The following LYN variants were observed in gnomAD, a reference collection of about 807,000 sequenced individuals.
The protein encoded by LYN is tyrosine-protein kinase Lyn.
Under a neutral mutation model 65.0 loss-of-function variants are expected in LYN, and 12 were observed. The observed-to-expected ratio is 0.18, with a 90% CI of 0.12 to 0.30. LYN has a LOEUF of 0.30. LYN is among the 10% of genes least tolerant of loss of function. The pLI, the probability that LYN is intolerant of heterozygous loss-of-function variation, is 1.00. For missense variants in LYN, 380 were observed against 623.2 expected, an observed-to-expected ratio of 0.61 and a Z score of 4.16; for synonymous variants, 222 against 221.2, an observed-to-expected ratio of 1.00 and a Z score of -0.03.
chr8:55,887,559 T>TAA (rs58233309), intron 1 of LYN, among the ~76,000 whole-genome samples: 6,027 of 109,268 alleles, frequency 0.055, 519 homozygotes, highest in East Asian at 0.17. Context: ...AAAATATAAA[T>TAA]ATATATATAT....
At chr8:55,998,288 T>A (rs1808431839) in intron 10 of LYN, 58 bp from the exon 11 acceptor site, 1 of 1,412,576 alleles carries the variant, frequency 7.1e-7, no homozygotes. Context: ...TTTTCCTTGA[T>A]GGCACTTTCC....
intron 10 of LYN, among the ~76,000 whole-genome samples, chr8:55,995,674 AG>A (rs1808356111): frequency 6.6e-6 from 1 of 152,058 alleles, no homozygotes; most frequent in Non-Finnish European, 1.5e-5. Context: ...CAAACTGCAT[AG>A]GTCGGGTGAA....
chr8:56,010,426 T>C lies in LYN; in HGVS notation c.*316T>C. The C allele has an allele frequency of 2.7e-6, 1 of 375,272 alleles. No individual in the cohort carries two copies. The highest frequency in any genetic ancestry group is 2.0e-5 in the African/African-American group (1 of 50,066). The allele number at this position is 375,272 out of a possible 1,614,324, so 23.2% of individuals were successfully genotyped here. On this transcript the variant is annotated 3_prime_UTR_variant, in exon 13 of 13. Coordinates refer to ENST00000519728, the MANE Select transcript of LYN (RefSeq NM_002350.4). Reference sequence around the variant, plus strand: ...CTCCAAAAATGCACCCAACTAGCTCTATGTTTACAAATGGACATAGGACTC... The same window carrying C: ...CTCCAAAAATGCACCCAACTAGCTCCATGTTTACAAATGGACATAGGACTC...
At chr8:55,890,106 G>A (rs1804910115) in intron 1 of LYN, among the ~76,000 whole-genome samples, 1 of 99,668 alleles carries the variant, frequency 1.0e-5, no homozygotes, top group South Asian at 3.3e-4. Context: ...GTGAGAACCT[G>A]CCTCTATAGA....
intron 11 of LYN, among the ~76,000 whole-genome samples, chr8:55,999,108 G>A (rs1006023292): frequency 7.2e-5 from 11 of 152,140 alleles, no homozygotes; most frequent in Non-Finnish European, 1.6e-4. Context: ...TATGACTGAG[G>A]ATTCTTATGC....
intron 1 of LYN, among the ~76,000 whole-genome samples, chr8:55,939,273 A>G (rs1806527508): frequency 1.3e-5 from 2 of 152,212 alleles, no homozygotes; most frequent in South Asian, 2.1e-4. Context: ...CAGTGAGGCC[A>G]TGCTAATTCT....
At chr8:55,921,157 T>C (rs1805936972) in intron 1 of LYN, among the ~76,000 whole-genome samples, 2 of 152,240 alleles carry the variant, frequency 1.3e-5, no homozygotes, top group South Asian at 4.1e-4. Context: ...ATAAACCAAA[T>C]ACATTGTAGC....
At chr8:55,896,954 A>G (rs9643487) in intron 1 of LYN, among the ~76,000 whole-genome samples, 136,724 of 152,122 alleles carry the variant, frequency 0.9, 61,527 homozygotes, top group East Asian at 0.98. Context: ...TGGCCAGGTT[A>G]ATCTCAAACT....
At chr8:55,980,943 G>A (rs1371529585) in intron 10 of LYN, among the ~76,000 whole-genome samples, 4 of 151,990 alleles carry the variant, frequency 2.6e-5, no homozygotes, top group South Asian at 2.1e-4. Context: ...CCCCGCGGCC[G>A]CTTGCTAGCC....
intron 8 of LYN, among the ~76,000 whole-genome samples, chr8:55,960,356 G>T (rs1167623736): frequency 1.3e-5 from 2 of 152,066 alleles, no homozygotes; most frequent in Non-Finnish European, 2.9e-5. Context: ...TATATTGAAT[G>T]GAGGAAGGAA....
intron 8 of LYN, among the ~76,000 whole-genome samples, chr8:55,958,645 AC>A (rs1291014665): frequency 6.6e-6 from 1 of 152,200 alleles, no homozygotes; most frequent in Non-Finnish European, 1.5e-5. Context: ...TCTGGCAACC[AC>A]CATGCTACTT....
At chr8:55,942,963 A>C (rs181666233) in intron 2 of LYN, among the ~76,000 whole-genome samples, 23 of 152,292 alleles carry the variant, frequency 1.5e-4, no homozygotes, top group African/African-American at 5.5e-4. Flanking sequence ...TGAAGTTGTC[A>C]TCTGTTATTT....
intron 1 of LYN, among the ~76,000 whole-genome samples, chr8:55,880,532 G>A (rs1034660071): frequency 1.3e-5 from 2 of 152,212 alleles, no homozygotes; most frequent in African/African-American, 2.4e-5. Flanking sequence ...TACTGGAGAG[G>A]ACTCCTCGGA....
chr8:55,998,314 A>G (rs766355605), intron 10 of LYN, 32 bp from the exon 11 acceptor site: 8 of 1,590,622 alleles, frequency 5.0e-6, no homozygotes, highest in Non-Finnish European at 6.9e-6. Flanking sequence ...CCTACCCTAC[A>G]TATGAAAATG....
chr8:55,991,986 G>A (rs1008070952), intron 10 of LYN, among the ~76,000 whole-genome samples: 6 of 152,168 alleles, frequency 3.9e-5, no homozygotes, highest in Admixed American at 6.6e-5. Flanking sequence ...GTCTCTTTAC[G>A]TGATTAGTCT....
At chr8:55,954,155 T>G (rs1807034982) in intron 8 of LYN, among the ~76,000 whole-genome samples, 171 bp downstream of exon 8, 1 of 152,242 alleles carries the variant, frequency 6.6e-6, no homozygotes, top group South Asian at 2.1e-4. Flanking sequence ...CAAAATCTAT[T>G]TACTTCAGCT....
At chr8:55,929,829 A>G (rs1467213909) in intron 1 of LYN, among the ~76,000 whole-genome samples, 2 of 152,188 alleles carry the variant, frequency 1.3e-5, no homozygotes, top group Non-Finnish European at 2.9e-5. Context: ...AGATTTATTT[A>G]TATCCATGGA....
chr8:55,937,471 T>C (rs1806467330), intron 1 of LYN, among the ~76,000 whole-genome samples: 1 of 152,204 alleles, frequency 6.6e-6, no homozygotes, highest in African/African-American at 2.4e-5. Flanking sequence ...TGTTCTAACT[T>C]AAAGAACTAA....
chr8:56,010,067 A>G lies in LYN; in HGVS notation c.1496A>G (p.Asp499Gly). Residue 499 changes from aspartate to glycine, a missense_variant, in exon 13 of 13, where the codon GAT becomes GGT. By Grantham distance (94) the Asp-to-Gly change is moderately conservative (BLOSUM62 -1). Coordinates refer to ENST00000519728, the MANE Select transcript of LYN (RefSeq NM_002350.4). ...GACTACTTACAGAGCGTCCTGGATGATTTCTACACAGCCACGGAAGGGCAA... is the reference window on the plus strand; with the variant it reads ...GACTACTTACAGAGCGTCCTGGATGGTTTCTACACAGCCACGGAAGGGCAA... ...TFDYLQSVLD[D>G]FYTATEGQYQ... 6.2e-7 allele frequency: 1 copy of G among 1,614,204 alleles called. No homozygotes were observed. Among genetic ancestry groups the G allele is most frequent in the Non-Finnish European group, 8.5e-7 (1 of 1,180,028 alleles).
Sources: allele counts gnomAD v4.1 joint callset (sites outside exome capture counted in the v4.1 genomes callset), GRCh38; gene constraint gnomAD v4.1.1; transcripts MANE v1.5; gene names NCBI Gene and HGNC (gene_info 2026-07-23, HGNC 2026-07-21).